NAV3: variants seen among roughly 807,000 people sequenced by gnomAD.
NAV3 encodes pore membrane and/or filament interacting like protein 1.
Under a neutral mutation model 244.7 loss-of-function variants are expected in NAV3, and 87 were observed. The observed-to-expected ratio is 0.36, with a 90% CI of 0.30 to 0.42. The LOEUF (loss-of-function observed/expected upper bound fraction) is 0.42. NAV3 is among the 20% of genes least tolerant of loss of function. The probability of loss-of-function intolerance (pLI) is 1.00; values close to 1 mark genes in which losing one functional copy is unlikely to be tolerated. For missense variants in NAV3, 2,663 were observed against 2,893.3 expected, an observed-to-expected ratio of 0.92 and a Z score of 1.83; for synonymous variants, 1,126 against 1,042.2, an observed-to-expected ratio of 1.08 and a Z score of -1.55.
At position 78,007,047 on chromosome 12, in the gene NAV3, A is replaced by C. The variant is rs774279306; in HGVS notation, c.1509A>C (p.Ala503=). ...CTCCAAAAAAGACCTCCAAAATTGCAAGCTTGATCCCTAAGGGCAGCAAGA... is the reference window on the plus strand; with the variant it reads ...CTCCAAAAAAGACCTCCAAAATTGCCAGCTTGATCCCTAAGGGCAGCAAGA... ...EMAPKKTSKI[A]SLIPKGSKTT... is the part of the protein sequence containing the mutation. Residue 503 remains alanine, a synonymous_variant, in exon 8 of 40, where the codon GCA becomes GCC. Coordinates refer to ENST00000397909, the MANE Select transcript of NAV3 (RefSeq NM_001024383.2). 1 of 1,614,106 alleles carries C rather than the reference A, an allele frequency of 6.2e-7. No individual in the cohort carries two copies. The highest frequency in any genetic ancestry group is 8.5e-7 in the Non-Finnish European group (1 of 1,180,028).
rs558789087 is a variant in NAV3 at position 77,708,895 on chromosome 12, T to G, written c.72+136629T>G. On this transcript the variant is annotated intron_variant, in intron 2 of 8. Transcript: ENST00000550042. ...TTGGTGTATAAGAATGCTTGTGATTTTTGCACATTGACTTTGTATCCTGAG... is the reference window on the plus strand; with the variant it reads ...TTGGTGTATAAGAATGCTTGTGATTGTTGCACATTGACTTTGTATCCTGAG... Among the ~76,000 whole-genome samples, 164 of 152,310 alleles carry G rather than the reference T, an allele frequency of 1.1e-3. 6 individuals are homozygous for G. The South Asian group carries it at 0.021, about 20-fold the overall frequency.
At chr12:78,200,964 TTTC>T (rs1168144583) in intron 38 of NAV3, among the ~76,000 whole-genome samples, 4 of 151,814 alleles carry the variant, frequency 2.6e-5, no homozygotes, top group South Asian at 4.2e-4. Flanking sequence ...CCTTTATCTT[TTTC>T]TTCTTTTCTT....
chr12:77,673,142 G>A (rs893537092), intron 2 of NAV3, among the ~76,000 whole-genome samples: 3 of 151,960 alleles, frequency 2.0e-5, no homozygotes, highest in African/African-American at 7.2e-5. Context: ...ATTACACCAG[G>A]GATATAAACT....
chr12:77,724,522 C>T (rs1021298261), intron 2 of NAV3, among the ~76,000 whole-genome samples: 2 of 151,792 alleles, frequency 1.3e-5, no homozygotes, highest in African/African-American at 4.8e-5. Flanking sequence ...TCCTTCCTTT[C>T]AGTGCTAGAG....
intron 4 of NAV3, among the ~76,000 whole-genome samples, chr12:77,967,029 A>G (rs961985375): frequency 1.8e-4 from 27 of 152,070 alleles, no homozygotes; most frequent in African/African-American, 5.8e-4. Context: ...GTTATGATAT[A>G]TAATTAAATT....
At chr12:78,035,922 G>C (rs1879792743) in intron 9 of NAV3, among the ~76,000 whole-genome samples, 1 of 152,070 alleles carries the variant, frequency 6.6e-6, no homozygotes. Flanking sequence ...TTTGATTTGT[G>C]CTTTTACAGC....
rs116835098 is a variant in NAV3, at chr12:77,592,112, G to A, written c.72+19846G>A. The stretch of plus-strand genomic sequence containing the variant: ...GCTTTGGATTCTGCCTAGCTCATTC[G>A]GCTTCCCTCCCAGGTTTCCAGATCA... On this transcript the variant is annotated intron_variant, in intron 2 of 8. Transcript: ENST00000550042. 4.1e-3 allele frequency among the ~76,000 whole-genome samples: 620 copies of A among 152,166 alleles called. 4 individuals carry two copies. Among genetic ancestry groups the A allele is most frequent in the African/African-American group, 0.015 (603 of 41,522 alleles).
chr12:77,865,617 T>A (rs908357721), intron 1 of NAV3, among the ~76,000 whole-genome samples: 2 of 152,064 alleles, frequency 1.3e-5, no homozygotes, highest in African/African-American at 4.8e-5. Context: ...ACAATATTGT[T>A]AAGAATAATA....
At chr12:78,117,583 G>A (rs951874845) in intron 13 of NAV3, among the ~76,000 whole-genome samples, 1 of 150,182 alleles carries the variant, frequency 6.7e-6, no homozygotes, top group African/African-American at 2.4e-5. Flanking sequence ...GATTTATGTT[G>A]CCATATCTCT....
chr12:78,172,084 T>G (rs1334809457), intron 24 of NAV3, among the ~76,000 whole-genome samples: 1 of 151,662 alleles, frequency 6.6e-6, no homozygotes, highest in Non-Finnish European at 1.5e-5. Context: ...CACAATCCAC[T>G]GCAAAAATAA....
At chr12:77,980,243 T>C (rs1869321072) in intron 5 of NAV3, among the ~76,000 whole-genome samples, 1 of 152,200 alleles carries the variant, frequency 6.6e-6, no homozygotes, top group African/African-American at 2.4e-5. Flanking sequence ...TCAATTTCTA[T>C]GTTTATTCAA....
At chr12:77,627,158 A>C (rs1871667443) in intron 2 of NAV3, among the ~76,000 whole-genome samples, 1 of 152,164 alleles carries the variant, frequency 6.6e-6, no homozygotes, top group Non-Finnish European at 1.5e-5. Flanking sequence ...CTTCCCCTGC[A>C]AAGATACACA....
At chr12:77,845,662 T>C (rs1286974341) in intron 1 of NAV3, among the ~76,000 whole-genome samples, 1 of 150,628 alleles carries the variant, frequency 6.6e-6, no homozygotes, top group African/African-American at 2.4e-5. Flanking sequence ...TTTTTTTTTT[T>C]TTTTTTTTGA....
At chr12:77,899,716 A>T (rs765402475) in intron 1 of NAV3, among the ~76,000 whole-genome samples, 2 of 152,210 alleles carry the variant, frequency 1.3e-5, no homozygotes, top group Non-Finnish European at 2.9e-5. Flanking sequence ...TATCTAAATA[A>T]TAAAATGAGG....
chr12:77,662,464 GTATT>G (rs1253620945), intron 2 of NAV3, among the ~76,000 whole-genome samples: 1 of 151,754 alleles, frequency 6.6e-6, no homozygotes, highest in African/African-American at 2.4e-5. Context: ...TAAACTTGCT[GTATT>G]TATTAGTAAC....
intron 2 of NAV3, among the ~76,000 whole-genome samples, chr12:77,643,007 A>G (rs746538896): frequency 5.3e-5 from 8 of 152,064 alleles, no homozygotes; most frequent in Admixed American, 3.3e-4. Context: ...CAAACTTTCT[A>G]TATCCATTAA....
chr12:78,194,732 C>T (rs1212762225), intron 34 of NAV3, among the ~76,000 whole-genome samples: 1 of 152,102 alleles, frequency 6.6e-6, no homozygotes, highest in Non-Finnish European at 1.5e-5. Flanking sequence ...CCACCATTTC[C>T]TTTCACAAAA....
At chr12:77,628,303 A>T (rs1275441572) in intron 2 of NAV3, among the ~76,000 whole-genome samples, 2 of 152,186 alleles carry the variant, frequency 1.3e-5, no homozygotes, top group Non-Finnish European at 2.9e-5. Context: ...AAAATATTTT[A>T]ACACCCCAAA....
chr12:78,090,917 G>T (rs927495114), intron 12 of NAV3, among the ~76,000 whole-genome samples: 2 of 150,578 alleles, frequency 1.3e-5, no homozygotes, highest in East Asian at 3.9e-4. Context: ...ATGGTGTTTT[G>T]CAAGGTGTCA....
Sources: gnomAD v4.1 joint callset for allele counts (sites outside exome capture counted in the v4.1 genomes callset) on GRCh38, gnomAD v4.1.1 for gene constraint, MANE v1.5 for transcripts, NCBI Gene and HGNC (gene_info 2026-07-23, HGNC 2026-07-21) for gene names.